PLCH1: variants seen among roughly 807,000 people sequenced by gnomAD.
PLCH1 encodes the protein 1-phosphatidylinositol 4,5-bisphosphate phosphodiesterase eta-1.
A neutral mutation model predicts 126.7 loss-of-function variants in PLCH1; 60 were observed. The ratio of observed to expected loss-of-function variants is 0.47; its 90% CI spans 0.38 to 0.59. The LOEUF (loss-of-function observed/expected upper bound fraction) is 0.59. Among genes scored for constraint, PLCH1 ranks in the 20% least tolerant of loss-of-function variants. PLCH1 has a pLI of 0.00. For synonymous variants in PLCH1, 719 were observed against 734.9 expected, an observed-to-expected ratio of 0.98 and a Z score of 0.35; for missense variants, 1,723 against 2,040.0, an observed-to-expected ratio of 0.84 and a Z score of 2.99.
chr3:155,557,704 T>A (rs1431612800), intron 8 of PLCH1, among the ~76,000 whole-genome samples: 1 of 152,142 alleles, frequency 6.6e-6, no homozygotes, highest in Non-Finnish European at 1.5e-5. Flanking sequence ...CCCCTGCTCA[T>A]AAAAGAGCCG....
At chr3:155,470,302 G>A (rs1301084317) in intron 21 of PLCH1, among the ~76,000 whole-genome samples, 8 of 152,338 alleles carry the variant, frequency 5.3e-5, no homozygotes, top group Middle Eastern at 3.4e-3. Flanking sequence ...GAGCCGATGC[G>A]ATCAACTGGA....
chr3:155,534,391 G>A (rs949364895), intron 10 of PLCH1, among the ~76,000 whole-genome samples: 9 of 152,286 alleles, frequency 5.9e-5, no homozygotes, highest in African/African-American at 2.2e-4. Context: ...TGTTTTGGCC[G>A]ATGTCTCCTT....
At chr3:155,610,312 G>A (rs1157736017) in intron 2 of PLCH1, among the ~76,000 whole-genome samples, 8 of 129,992 alleles carry the variant, frequency 6.2e-5, no homozygotes, top group African/African-American at 2.3e-4. Flanking sequence ...GGTGAGCCAA[G>A]ATTGTGCCAT....
intron 2 of PLCH1, among the ~76,000 whole-genome samples, chr3:155,655,988 A>G (rs1577253597): frequency 6.6e-6 from 1 of 152,304 alleles, no homozygotes; most frequent in East Asian, 1.9e-4. Flanking sequence ...AAACTTCAAA[A>G]GAGAAAGAAC....
chr3:155,518,625 A>G, intron 11 of PLCH1, among the ~76,000 whole-genome samples: 1 of 152,162 alleles, frequency 6.6e-6, no homozygotes, highest in Non-Finnish European at 1.5e-5. Flanking sequence ...GGGAAAAACA[A>G]TTTCACTTAA....
rs543500630 is a variant in PLCH1 at position 155,637,259 on chromosome 3, C to T, written c.80-40881G>A. Among the ~76,000 whole-genome samples the T allele has an allele frequency of 5.9e-5, 9 of 152,252 alleles. No individual in the cohort carries two copies. The East Asian group carries it at 1.5e-3, about 26-fold the overall frequency. The stretch of plus-strand genomic sequence containing the variant: ...AACTGACTAGGATAAATTAATGAGC[C>T]CTCAGTCAGAGGTCCATTTCCCTGT... On this transcript the variant is annotated intron_variant, in intron 2 of 22. Coordinates refer to ENST00000460012, the MANE Select transcript of PLCH1 (RefSeq NM_014996.4).
At chr3:155,460,833 GATAGATAGAT>G (rs1712695890) in intron 21 of PLCH1, among the ~76,000 whole-genome samples, 1 of 150,568 alleles carries the variant, frequency 6.6e-6, no homozygotes, top group African/African-American at 2.5e-5. Flanking sequence ...TAGATAGATA[GATAGATAGAT>G]AGTGGTGGGT....
chr3:155,519,338 T>C lies in PLCH1; in HGVS notation c.1471-4454A>G, dbSNP rs149949419. On this transcript the variant is annotated intron_variant, in intron 11 of 22. Coordinates refer to ENST00000460012, the MANE Select transcript of PLCH1 (RefSeq NM_014996.4). The stretch of plus-strand genomic sequence containing the variant: ...CAGTCATTTCATATGGTGGGTAGTT[T>C]CCACCAGAGAAGTAATCAGGGTTCT... Among the ~76,000 whole-genome samples, 521 of 152,294 alleles carry C rather than the reference T, an allele frequency of 3.4e-3. 4 individuals carry two copies. Among genetic ancestry groups the C allele is most frequent in the East Asian group, 7.3e-3 (38 of 5,180 alleles).
intron 2 of PLCH1, among the ~76,000 whole-genome samples, chr3:155,675,747 A>G (rs1035233844): frequency 6.6e-6 from 1 of 152,348 alleles, no homozygotes; most frequent in East Asian, 1.9e-4. Flanking sequence ...TGACCATTTT[A>G]ATATAATGAT....
intron 2 of PLCH1, among the ~76,000 whole-genome samples, chr3:155,660,933 T>C (rs2108939776): frequency 6.6e-6 from 1 of 152,322 alleles, no homozygotes; most frequent in Non-Finnish European, 1.5e-5. Context: ...TCATTCCATA[T>C]AGCTGAAATA....
intron 7 of PLCH1, among the ~76,000 whole-genome samples, chr3:155,566,502 G>A (rs573174043): frequency 6.6e-6 from 1 of 151,532 alleles, no homozygotes; most frequent in South Asian, 2.1e-4. Flanking sequence ...AAACCATAGT[G>A]ATACCAAGAG....
intron 11 of PLCH1, among the ~76,000 whole-genome samples, chr3:155,523,119 C>T (rs1428569847): frequency 2.0e-5 from 3 of 152,052 alleles, no homozygotes; most frequent in Non-Finnish European, 4.4e-5. Context: ...GGACTACAGG[C>T]GCCCACCACC....
At chr3:155,571,212 G>A (rs2108541824) in intron 6 of PLCH1, among the ~76,000 whole-genome samples, 1 of 152,242 alleles carries the variant, frequency 6.6e-6, no homozygotes, top group South Asian at 2.1e-4. Context: ...AACACCAAGT[G>A]TAAAATCAAT....
At chr3:155,475,836 G>C (rs767427132), downstream of PLCH1, among the ~76,000 whole-genome samples, 7 of 152,040 alleles carry the variant, frequency 4.6e-5, no homozygotes, top group Non-Finnish European at 1.0e-4. Flanking sequence ...TCTCTCAGTA[G>C]AGAAAAGCCT....
In PLCH1 at chr3:155,485,718, C is replaced by T; in HGVS notation, c.2620-8G>A. On this transcript the variant is annotated splice_region_variant and splice_polypyrimidine_tract_variant and intron_variant, in intron 21 of 22. Coordinates refer to ENST00000460012, the MANE Select transcript of PLCH1 (RefSeq NM_014996.4). ...ACCCTGGAGTTGTCTGTTCTGAAGA[C>T]ACAAAAGAACCAACCACAAGTTAAG... The T allele has an allele frequency of 6.5e-7, 1 of 1,539,614 alleles. No individual in the cohort carries two copies. The highest frequency in any genetic ancestry group is 8.8e-7 in the Non-Finnish European group (1 of 1,134,480).
chr3:155,671,854 A>G (rs1743487948), intron 2 of PLCH1, among the ~76,000 whole-genome samples: 1 of 152,232 alleles, frequency 6.6e-6, no homozygotes, highest in East Asian at 1.9e-4. Flanking sequence ...AAGTAACACT[A>G]AAACCCTACA....
At position 155,681,968 on chromosome 3, in the gene PLCH1, T is replaced by C. The variant is rs73876914; in HGVS notation, c.79+22178A>G. On this transcript the variant is annotated intron_variant, in intron 2 of 22. Transcript: ENST00000460012. ...GGCACTAATCTTTCATCAAAATCCC[T>C]TGACCACTCAGTCATCCTTACTCAG... Among the ~76,000 whole-genome samples, 839 of 152,306 alleles carry C rather than the reference T, an allele frequency of 5.5e-3. 10 individuals carry two copies. The highest frequency in any genetic ancestry group is 0.019 in the African/African-American group (797 of 41,566).
intron 21 of PLCH1, among the ~76,000 whole-genome samples, chr3:155,461,385 T>C (rs1304337281): frequency 6.6e-6 from 1 of 152,158 alleles, no homozygotes; most frequent in Admixed American, 6.5e-5. Flanking sequence ...TGGTCCACCA[T>C]GTAACTGCAG....
intron 2 of PLCH1, among the ~76,000 whole-genome samples, chr3:155,691,655 G>A (rs1019880197): frequency 4.6e-5 from 7 of 152,134 alleles, no homozygotes; most frequent in Admixed American, 2.6e-4. Context: ...ATACCACTTA[G>A]TTTTCCAAAG....
Sources: allele counts gnomAD v4.1 joint callset (sites outside exome capture counted in the v4.1 genomes callset), GRCh38; gene constraint gnomAD v4.1.1; transcripts MANE v1.5; gene names NCBI Gene and HGNC (gene_info 2026-07-23, HGNC 2026-07-21).